The following USP33 variants were observed in gnomAD, a reference collection of about 807,000 sequenced individuals.
USP33 encodes the protein ubiquitin specific peptidase 33, also known as ubiquitin carboxyl-terminal hydrolase 33.
A neutral mutation model predicts 124.2 loss-of-function variants in USP33; 46 were observed. The observed-to-expected ratio is 0.37, with a 90% confidence interval of 0.29 to 0.47. USP33 has a LOEUF of 0.47. Ranked by LOEUF, USP33 falls within the 20% of genes least tolerant of loss-of-function variation. The probability of loss-of-function intolerance (pLI) is 0.99; values close to 1 mark genes in which losing one functional copy is unlikely to be tolerated. For synonymous variants in USP33, 350 were observed against 352.3 expected (o/e 0.99, Z 0.07); for missense variants, 851 against 1,070.6 (o/e 0.79, Z 2.86).
intron 12 of USP33, 83 bp from the exon 13 acceptor site, chr1:77,722,279 C>G: frequency 8.7e-7 from 1 of 1,144,818 alleles, no homozygotes; most frequent in Non-Finnish European, 1.1e-6. Context: ...CTCTAAAGAT[C>G]AAAGCATGTT....
intron 15 of USP33, among the ~76,000 whole-genome samples, chr1:77,718,926 CAAAAAAAA>C (rs1049500513): frequency 1.9e-5 from 1 of 52,524 alleles, no homozygotes; most frequent in Non-Finnish European, 4.0e-5. Flanking sequence ...GACCCTGCCT[CAAAAAAAA>C]AAAAAAAAAA....
rs1451466589 is a variant in USP33, at chr1:77,725,605, T to A, written c.1276+17A>T. The A allele has an allele frequency of 6.2e-7, 1 of 1,613,438 alleles. No homozygotes were observed. Among genetic ancestry groups the A allele is most frequent in the South Asian group, 1.1e-5 (1 of 90,942 alleles). Reference sequence around the variant, plus strand: ...AAGACCCAAAGCAAAAGAGACTGAATAAGAGAAACGTTTTACCTTTTTTGT... The same window carrying A: ...AAGACCCAAAGCAAAAGAGACTGAAAAAGAGAAACGTTTTACCTTTTTTGT... On this transcript the variant is annotated intron_variant, in intron 11 of 23. Transcript: ENST00000370794.
intron 10 of USP33, 150 bp downstream of exon 10, chr1:77,728,145 T>A (rs910095888): frequency 4.9e-6 from 4 of 809,224 alleles, no homozygotes; most frequent in Non-Finnish European, 7.0e-6. Context: ...CCTTTTATCC[T>A]CGGGTTCTAT....
At chr1:77,748,777 C>A (rs1679993596) in intron 1 of USP33, among the ~76,000 whole-genome samples, 1 of 51,630 alleles carries the variant, frequency 1.9e-5, no homozygotes, top group African/African-American at 1.2e-4. Context: ...GCATTCCTTC[C>A]CTCCCCCCCC....
chr1:77,730,496 C>A, intron 8 of USP33, 122 bp downstream of exon 8: 3 of 630,920 alleles, frequency 4.8e-6, no homozygotes, highest in Non-Finnish European at 7.3e-6. Flanking sequence ...TGAAACAAAG[C>A]TGTCTCTAAT....
rs755667972 is a variant in USP33, at chr1:77,728,495, T to C, written c.935A>G (p.Asn312Ser). 6.2e-7 allele frequency: 1 copy of C among 1,614,156 alleles called. No individual in the cohort carries two copies. Among genetic ancestry groups the C allele is most frequent in the Non-Finnish European group, 8.5e-7 (1 of 1,180,016 alleles). ...ENGSRCFSED[N>S]NETTMLIQDD... is the part of the protein sequence containing the mutation. ...CTGAATTAACATTGTTGTTTCATTA[T>C]TATCTTCAGAAAAGCATCTAGAGCC... The change falls in exon 10 of 24, where the codon AAT (asparagine) becomes AGT (serine). Residue 312 changes from asparagine to serine, a missense_variant. Transcript: ENST00000370794.
intron 11 of USP33, among the ~76,000 whole-genome samples, chr1:77,724,700 C>T (rs974158599): frequency 1.3e-5 from 2 of 151,870 alleles, no homozygotes; most frequent in Non-Finnish European, 2.9e-5. Context: ...TTCATAATTG[C>T]CAAAAATTGG....
intron 21 of USP33, among the ~76,000 whole-genome samples, chr1:77,707,415 G>A (rs1290561768): frequency 6.6e-6 from 1 of 152,124 alleles, no homozygotes; most frequent in African/African-American, 2.4e-5. Flanking sequence ...TCTCTGTGAA[G>A]GGTCACTTAC....
rs1321198182 is a variant in USP33, at chr1:77,723,403, T to C, written c.1317A>G (p.Lys439=). 1 of 1,613,322 alleles carries C rather than the reference T, an allele frequency of 6.2e-7. No homozygotes were observed. The highest frequency in any genetic ancestry group is 1.1e-5 in the South Asian group (1 of 90,930). The change falls in exon 12 of 24, where the codon AAA becomes AAG. Residue 439 remains lysine, a synonymous_variant. Transcript: ENST00000370794. ...ATATGTCTGAAATAACACTTCTGTATTTCTTGTGCTGTTTTTTTCTCTTTG... is the reference window on the plus strand; with the variant it reads ...ATATGTCTGAAATAACACTTCTGTACTTCTTGTGCTGTTTTTTTCTCTTTG... The part of the protein sequence containing the change: ...ASPKRKKQHK[K]YRSVISDIFD...
At position 77,721,330 on chromosome 1, in the gene USP33, T is replaced by C; in HGVS notation, c.1658-125A>G. On this transcript the variant is annotated intron_variant, in intron 14 of 23. Transcript: ENST00000370794. The stretch of plus-strand genomic sequence containing the variant: ...ACAGAAAAACAAGGTTCCATTTTTT[T>C]AATCTATGCTCATGAATCAGGTTAC... 7 of 970,132 alleles carry C rather than the reference T, an allele frequency of 7.2e-6. 1 individual carries two copies. In the South Asian group the frequency reaches 1.1e-4, roughly 15 times the overall value. The allele number at this position is 970,132 out of a possible 1,614,324, so 60.1% of individuals were successfully genotyped here. A position where few individuals can be genotyped will look rare whatever the true frequency, so the allele number is the denominator to read the frequency against.
Position 77,717,880 on chromosome 1 carries a change from A to C in USP33, c.1905T>G (p.His635Gln). The C allele has an allele frequency of 6.2e-7, 1 of 1,609,248 alleles. No individual in the cohort carries two copies. Among genetic ancestry groups the C allele is most frequent in the Non-Finnish European group, 8.5e-7 (1 of 1,178,398 alleles). Residue 635 changes from histidine to glutamine, a missense_variant, in exon 17 of 24, where the codon CAT (histidine) becomes CAG (glutamine). This residue lies in a region of USP33 where 281 missense variants were observed against 425.0 expected (regional missense o/e 0.66). Transcript: ENST00000370794. ...TYDLLSVICHHGTASSGHYIA... is the reference protein window; with the variant it reads ...TYDLLSVICHQGTASSGHYIA... ...CTATATACTTACTACTTGCAGTTCC[A>C]TGATGGCAAATGACTGACAGAAGAT...
At chr1:77,716,487 T>C (rs1675916938) in intron 17 of USP33, among the ~76,000 whole-genome samples, 1 of 152,230 alleles carries the variant, frequency 6.6e-6, no homozygotes, top group Non-Finnish European at 1.5e-5. Context: ...CTGTAAACAG[T>C]TGCAGACAGC....
intron 16 of USP33, 37 bp downstream of exon 16, chr1:77,718,559 C>T (rs1041230376): frequency 6.0e-6 from 9 of 1,488,500 alleles, no homozygotes; most frequent in Middle Eastern, 1.7e-4. Flanking sequence ...TATGTTCCTA[C>T]CACACAATAT....
chr1:77,727,677 T>C (rs1677318737), intron 10 of USP33, among the ~76,000 whole-genome samples: 1 of 152,264 alleles, frequency 6.6e-6, no homozygotes, highest in Non-Finnish European at 1.5e-5. Context: ...TATTTTAAGA[T>C]CACATAATTT....
chr1:77,752,173 G>T (rs1406078105), intron 1 of USP33, among the ~76,000 whole-genome samples: 1 of 150,158 alleles, frequency 6.7e-6, no homozygotes, highest in Non-Finnish European at 1.5e-5. Flanking sequence ...ATTTCACTCT[G>T]TCGCCCAGGC....
At chr1:77,705,201 A>AT (rs1000619216) in intron 21 of USP33, among the ~76,000 whole-genome samples, 208 of 143,320 alleles carry the variant, frequency 1.5e-3, no homozygotes, top group African/African-American at 2.8e-3. Context: ...TTTATTTTTT[A>AT]TTTTTTTTTT....
chr1:77,725,952 G>A (rs1223364353), intron 10 of USP33, among the ~76,000 whole-genome samples, 190 bp from the exon 11 acceptor site: 1 of 152,100 alleles, frequency 6.6e-6, no homozygotes, highest in African/African-American at 2.4e-5. Flanking sequence ...ACTAATTTTT[G>A]TTTACTTGTT....
intron 11 of USP33, 77 bp downstream of exon 11, chr1:77,725,545 T>C: frequency 2.0e-6 from 3 of 1,501,840 alleles, no homozygotes. Flanking sequence ...ATTAACACTT[T>C]AAATTATCAA....
At chr1:77,731,841 T>C (rs776915125) in intron 7 of USP33, among the ~76,000 whole-genome samples, 3 of 152,198 alleles carry the variant, frequency 2.0e-5, no homozygotes, top group African/African-American at 7.2e-5. Flanking sequence ...TGGTTGGTCA[T>C]GCCTGTAATT....
Sources: gnomAD v4.1 joint callset for allele counts (sites outside exome capture counted in the v4.1 genomes callset) on GRCh38, gnomAD v4.1.1 for gene constraint, gnomAD v4.1.1 regional missense constraint, MANE v1.5 for transcripts, NCBI Gene and HGNC (gene_info 2026-07-23, HGNC 2026-07-21) for gene names.